CDH13: variants seen among roughly 807,000 people sequenced by gnomAD.
The protein encoded by CDH13 is cadherin-13.
Under a neutral mutation model 63.8 loss-of-function variants are expected in CDH13, and 24 were observed. The observed-to-expected ratio is 0.38, with a 90% CI of 0.27 to 0.53. The LOEUF is 0.53. Among genes scored for constraint, CDH13 ranks in the 20% least tolerant of loss-of-function variants. The probability of loss-of-function intolerance (pLI) is 0.85; values close to 1 mark genes in which losing one functional copy is unlikely to be tolerated. For missense variants in CDH13, 1,049 were observed against 903.1 expected (o/e 1.16, Z -2.07); for synonymous variants, 503 against 355.3 (o/e 1.42, Z -4.67).
intron 1 of CDH13, among the ~76,000 whole-genome samples, chr16:82,694,123 C>G (rs1396791778): frequency 6.6e-6 from 1 of 152,190 alleles, no homozygotes. Context: ...ATAATTCTGT[C>G]TCCCCAGTTA....
At chr16:83,620,045 G>A (rs997666813) in intron 8 of CDH13, among the ~76,000 whole-genome samples, 1 of 152,084 alleles carries the variant, frequency 6.6e-6, no homozygotes, top group African/African-American at 2.4e-5. Flanking sequence ...CACAAGACGA[G>A]GAGGCTGGAT....
intron 6 of CDH13, among the ~76,000 whole-genome samples, chr16:83,406,190 C>T (rs550924667): frequency 2.0e-5 from 3 of 152,332 alleles, no homozygotes; most frequent in Admixed American, 1.3e-4. Flanking sequence ...GAGATGTGCT[C>T]TCTGCAGGTC....
chr16:83,509,962 T>C (rs2074518443), intron 7 of CDH13, among the ~76,000 whole-genome samples: 1 of 152,098 alleles, frequency 6.6e-6, no homozygotes, highest in Non-Finnish European at 1.5e-5. Flanking sequence ...ATTGGGAGCA[T>C]GGTATTGTAG....
intron 4 of CDH13, among the ~76,000 whole-genome samples, chr16:83,208,569 C>A (rs537942612): frequency 4.0e-5 from 6 of 151,822 alleles, no homozygotes; most frequent in Admixed American, 3.9e-4. Flanking sequence ...TAAAAGTTGT[C>A]TTTTCCTGTG....
At chr16:83,459,550 A>G (rs543380123) in intron 6 of CDH13, among the ~76,000 whole-genome samples, 45 of 152,342 alleles carry the variant, frequency 3.0e-4, no homozygotes, top group African/African-American at 1.1e-3. Flanking sequence ...GAAGCAAGCT[A>G]ACTAATTAAA....
chr16:83,284,561 G>A (rs1375141844), intron 5 of CDH13, among the ~76,000 whole-genome samples: 9 of 152,160 alleles, frequency 5.9e-5, no homozygotes, highest in Admixed American at 5.9e-4. Flanking sequence ...TGGAAGGAGG[G>A]AGGAAACTAA....
At chr16:83,577,599 T>A (rs1398114426) in intron 7 of CDH13, among the ~76,000 whole-genome samples, 1 of 152,184 alleles carries the variant, frequency 6.6e-6, no homozygotes, top group African/African-American at 2.4e-5. Flanking sequence ...GGAATGGTTG[T>A]CTGCTTTTAA....
At chr16:83,335,956 G>A (rs1309061285) in intron 5 of CDH13, among the ~76,000 whole-genome samples, 1 of 151,994 alleles carries the variant, frequency 6.6e-6, no homozygotes, top group Admixed American at 6.6e-5. Context: ...GGTGTCTGAG[G>A]ACTTTTGTCT....
At chr16:83,108,926 G>A (rs2034922017) in intron 3 of CDH13, among the ~76,000 whole-genome samples, 1 of 152,152 alleles carries the variant, frequency 6.6e-6, no homozygotes, top group Non-Finnish European at 1.5e-5. Flanking sequence ...CAGTGGGAAT[G>A]TACTTGTTAA....
At chr16:83,066,640 C>T (rs188718097) in intron 3 of CDH13, among the ~76,000 whole-genome samples, 2 of 152,324 alleles carry the variant, frequency 1.3e-5, no homozygotes, top group Admixed American at 6.5e-5. Flanking sequence ...TAAAGCCAAT[C>T]TATTAATTTA....
In CDH13 at chr16:83,783,332, G is replaced by T; in HGVS notation, c.1994G>T (p.Gly665Val). 6.2e-7 allele frequency: 1 copy of T among 1,613,922 alleles called. No individual in the cohort carries two copies. The highest frequency in any genetic ancestry group is 8.5e-7 in the Non-Finnish European group (1 of 1,179,860). ...CTGCCCATCATGGTGACAGATTCAG[G>T]GAAACCACCCATGACGAATATCACA... ...YNLPIMVTDS[G>V]KPPMTNITDL... The change falls in exon 13 of 14, where the codon GGG becomes GTG. Residue 665 changes from glycine (G) to valine (V), a missense_variant. Transcript: ENST00000567109.
At chr16:83,318,993 T>G (rs1282779947) in intron 5 of CDH13, among the ~76,000 whole-genome samples, 1 of 150,902 alleles carries the variant, frequency 6.6e-6, no homozygotes, top group African/African-American at 2.4e-5. Context: ...CATTAAGAAA[T>G]CTATGAAAAT....
rs2091180164 is a variant in CDH13 at position 83,362,436 on chromosome 16, T to C, written c.781+17430T>C. ...TAGACACCTTTTGTCTTTATCTCTT[T>C]TTGCCCTAGGCAATTAGGTGCCACA... On this transcript the variant is annotated intron_variant, in intron 6 of 13. Coordinates refer to ENST00000567109, the MANE Select transcript of CDH13 (RefSeq NM_001257.5). Among the ~76,000 whole-genome samples the C allele has an allele frequency of 2.0e-5, 3 of 152,246 alleles. No individual in the cohort carries two copies. In the South Asian group the frequency reaches 6.2e-4, roughly 31 times the overall value.
At chr16:82,867,887 G>C (rs1480822450) in intron 2 of CDH13, among the ~76,000 whole-genome samples, 2 of 152,162 alleles carry the variant, frequency 1.3e-5, no homozygotes, top group African/African-American at 4.8e-5. Flanking sequence ...AGCTGACTTA[G>C]GCTTTTATCT....
chr16:83,022,101 G>A (rs746147937), intron 2 of CDH13, among the ~76,000 whole-genome samples: 1 of 152,196 alleles, frequency 6.6e-6, no homozygotes, highest in Non-Finnish European at 1.5e-5. Context: ...GGAAGGTGGT[G>A]CCTCTGGATG....
At chr16:83,213,317 G>A (rs965102650) in intron 4 of CDH13, among the ~76,000 whole-genome samples, 1 of 152,136 alleles carries the variant, frequency 6.6e-6, no homozygotes, top group Non-Finnish European at 1.5e-5. Context: ...AAGTCACCCT[G>A]GGATAATTTC....
At chr16:82,885,343 A>G (rs562679785) in intron 2 of CDH13, among the ~76,000 whole-genome samples, 34 of 152,140 alleles carry the variant, frequency 2.2e-4, no homozygotes, top group Non-Finnish European at 4.7e-4. Context: ...AATCAGTTTT[A>G]TGTTTTTTCT....
At chr16:82,776,457 C>G (rs933542349) in intron 1 of CDH13, among the ~76,000 whole-genome samples, 1 of 152,088 alleles carries the variant, frequency 6.6e-6, no homozygotes, top group Non-Finnish European at 1.5e-5. Context: ...TAGTGGGAGT[C>G]TCTGAATCTG....
intron 7 of CDH13, among the ~76,000 whole-genome samples, chr16:83,549,190 C>T (rs904568163): frequency 6.6e-6 from 1 of 152,162 alleles, no homozygotes; most frequent in Non-Finnish European, 1.5e-5. Flanking sequence ...CGCAGACAAG[C>T]TGTGATGGAG....
Sources: gnomAD v4.1 joint callset for allele counts (sites outside exome capture counted in the v4.1 genomes callset) on GRCh38, gnomAD v4.1.1 for gene constraint, MANE v1.5 for transcripts, NCBI Gene and HGNC (gene_info 2026-07-23, HGNC 2026-07-21) for gene names.